Variants in TTN observed in about 807,000 individuals in gnomAD.
TTN encodes connectin.
Under a neutral mutation model 3,223.0 loss-of-function variants are expected in TTN, and 1,525 were observed. The ratio of observed to expected loss-of-function variants is 0.47; its 90% confidence interval spans 0.45 to 0.49. The LOEUF (loss-of-function observed/expected upper bound fraction) is 0.49. Ranked by LOEUF, TTN falls within the 20% of genes least tolerant of loss-of-function variation. The pLI is 0.00. For missense variants in TTN, 40,786 were observed against 43,424.0 expected, an observed-to-expected ratio of 0.94 and a Z score of 5.40; for synonymous variants, 14,094 against 15,161.0, an observed-to-expected ratio of 0.93 and a Z score of 5.17.
chr2:178,770,308 A>G lies in TTN; in HGVS notation c.8393T>C (p.Ile2798Thr), dbSNP rs751135365. The change falls in exon 36 of 363, where the codon ATT becomes ACT. Residue 2798 changes from isoleucine (I) to threonine (T), a missense_variant. By Grantham distance (89) the Ile-to-Thr change is moderately conservative (BLOSUM62 -1). Coordinates refer to ENST00000589042, the MANE Select transcript of TTN (RefSeq NM_001267550.2). ...GGCTGTCACATCCTTTGGCTTTTTA[A>G]TGATCTTGACAGCTAAGAGGAAAAT... is the stretch of plus-strand genomic sequence containing the variant. The part of the protein sequence containing the change: ...ARLHVETVKI[I>T]KKPKDVTALE... 1.2e-6 allele frequency: 2 copies of G among 1,614,196 alleles called. No individual in the cohort carries two copies. The highest frequency in any genetic ancestry group is 1.7e-6 in the Non-Finnish European group (2 of 1,180,036).
chr2:178,543,080 T>C lies in TTN; in HGVS notation c.96893A>G (p.Gln32298Arg). 6.3e-7 allele frequency: 1 copy of C among 1,591,530 alleles called. No individual in the cohort carries two copies. Among genetic ancestry groups the C allele is most frequent in the South Asian group, 1.1e-5 (1 of 88,434 alleles). ...PRETVTAVTV[Q>R]DLRVLPTIDL... The stretch of plus-strand genomic sequence containing the variant: ...TATTTGGTACATACCTCTGAGGTCT[T>C]GTACAGTCACGGCTGTGACAGTCTC... The change falls in exon 347 of 363, where the codon CAA becomes CGA. Residue 32298 changes from glutamine to arginine, a missense_variant. By Grantham distance (43) the Gln-to-Arg change is conservative. Transcript: ENST00000589042.
chr2:178,704,772 G>A lies in TTN; in HGVS notation c.29700C>T (p.Val9900=), dbSNP rs1363173792. ...IQQRLSQTEP[V]TLIKDIENQT... is the part of the protein sequence containing the mutation. ...GATTTTCAATGTCCTTGATCAGAGTGACAGGCTAGGAGAATAAAGAATTAA... is the reference window on the plus strand; with the variant it reads ...GATTTTCAATGTCCTTGATCAGAGTAACAGGCTAGGAGAATAAAGAATTAA... Residue 9900 remains valine (V), a synonymous_variant, in exon 105 of 363, where the codon GTC becomes GTT. Transcript: ENST00000589042. 1.2e-6 allele frequency: 2 copies of A among 1,609,066 alleles called. No homozygotes were observed. Among genetic ancestry groups the A allele is most frequent in the Admixed American group, 1.7e-5 (1 of 59,728 alleles).
chr2:178,789,624 C>A, intron 12 of TTN, 127 bp from the exon 13 acceptor site: 2 of 1,279,430 alleles, frequency 1.6e-6, no homozygotes, highest in Non-Finnish European at 2.2e-6. Flanking sequence ...GAGAAATAAA[C>A]TTTCACCGGC....
chr2:178,604,303 G>T lies in TTN; in HGVS notation c.54384C>A (p.Ile18128=). Residue 18128 remains isoleucine, a splice_region_variant and synonymous_variant, in exon 282 of 363, where the codon ATC becomes ATA. Coordinates refer to ENST00000589042, the MANE Select transcript of TTN (RefSeq NM_001267550.2). ...TNTAVEKRYG[I]WKLIPNGQYE... The stretch of plus-strand genomic sequence containing the variant: ...ACTGACCATTGGGGATAAGTTTCCA[G>T]ATCTAGAAATTAGAAAAACAGAAAT... 1 of 1,441,648 alleles carries T rather than the reference G, an allele frequency of 6.9e-7. No individual in the cohort carries two copies. 89.3% of individuals were successfully genotyped at this position (1,441,648 alleles called of 1,614,324 possible).
chr2:178,771,058 G>A (rs1371552209), intron 34 of TTN, among the ~76,000 whole-genome samples, 153 bp downstream of exon 34: 4 of 152,132 alleles, frequency 2.6e-5, no homozygotes, highest in Non-Finnish European at 4.4e-5. Flanking sequence ...TTTGTACCTT[G>A]TGGAATGTGT....
At position 178,581,788 on chromosome 2, in the gene TTN, C is replaced by T. The variant is rs372814670; in HGVS notation, c.66480G>A (p.Pro22160=). 2.4e-5 allele frequency: 38 copies of T among 1,598,372 alleles called. No individual in the cohort carries two copies. The highest frequency in any genetic ancestry group is 1.8e-4 in the African/African-American group (13 of 74,234). ...TTGTATCATATACTTTAGGGAAAGCCGGTGGGCCAGGAGGATCTGAGAATA... is the reference window on the plus strand; with the variant it reads ...TTGTATCATATACTTTAGGGAAAGCTGGTGGGCCAGGAGGATCTGAGAATA... ...ARDPQYPPGP[P]AFPKVYDTTR... The change falls in exon 316 of 363, where the codon CCG becomes CCA. Residue 22160 remains proline (P), a synonymous_variant. Transcript: ENST00000589042.
rs761895496 is a variant in TTN, at chr2:178,678,444, G to A, written c.33880C>T (p.Pro11294Ser). 4 of 1,596,628 alleles carry A rather than the reference G, an allele frequency of 2.5e-6. No individual in the cohort carries two copies. The highest frequency in any genetic ancestry group is 3.4e-6 in the Non-Finnish European group (4 of 1,171,586). Residue 11294 changes from proline (P) to serine (S), a missense_variant, in exon 144 of 363, where the codon CCT becomes TCT. By Grantham distance (74) the Pro-to-Ser change is moderately conservative. Transcript: ENST00000589042. ...GCAGGTGGAGCCTCCACTTTCTTAGGAGCAGGAACTGGCACCTTCTTCTCA... is the reference window on the plus strand; with the variant it reads ...GCAGGTGGAGCCTCCACTTTCTTAGAAGCAGGAACTGGCACCTTCTTCTCA... ...VPEKKVPVPA[P>S]KKVEAPPAKV...
chr2:178,613,419 T>TA lies in TTN; in HGVS notation c.49533-144dup. The TA allele has an allele frequency of 4.0e-6, 3 of 753,198 alleles. No homozygotes were observed. The East Asian group carries it at 8.3e-5, about 21-fold the overall frequency. The allele number at this position is 753,198 out of a possible 1,614,324, so 46.7% of individuals were successfully genotyped here. A position where few individuals can be genotyped will look rare whatever the true frequency, so the allele number is the denominator to read the frequency against. On this transcript the variant is annotated intron_variant, in intron 263 of 362. Coordinates refer to ENST00000589042, the MANE Select transcript of TTN (RefSeq NM_001267550.2). ...AACTGAAAAGCACTTCAATATAAAT[T>TA]AAAAATTGCTTTTTAACTGCCACAC...
At chr2:178,635,014 A>G in intron 228 of TTN, 151 bp downstream of exon 228, 3 of 1,356,488 alleles carry the variant, frequency 2.2e-6, no homozygotes, top group Non-Finnish European at 3.0e-6. Context: ...TTGTCCCCAA[A>G]TGATACGTAA....
At position 178,542,784 on chromosome 2, in the gene TTN, G is replaced by A. The variant is rs375538626; in HGVS notation, c.97070C>T (p.Thr32357Ile). 11 of 1,613,786 alleles carry A rather than the reference G, an allele frequency of 6.8e-6. No homozygotes were observed. The East Asian group carries it at 2.5e-4, about 36-fold the overall frequency. Residue 32357 changes from threonine to isoleucine, a missense_variant, in exon 348 of 363, where the codon ACT (threonine) becomes ATT (isoleucine). Coordinates refer to ENST00000589042, the MANE Select transcript of TTN (RefSeq NM_001267550.2). ...GGTTAATTTAGCTACTTTAGTGTGA[G>A]TTTCAACTGTGACACGCTCTGATTC... The part of the protein sequence containing the change: ...LRESERVTVE[T>I]HTKVAKLTIR...
Position 178,586,506 on chromosome 2 carries a change from C to T in TTN, c.64395G>A (p.Leu21465=). The T allele has an allele frequency of 6.2e-7, 1 of 1,612,794 alleles. No individual in the cohort carries two copies. Among genetic ancestry groups the T allele is most frequent in the Non-Finnish European group, 8.5e-7 (1 of 1,179,210 alleles). Residue 21465 remains leucine, a splice_region_variant and synonymous_variant, in exon 308 of 363, where the codon CTG becomes CTA. Transcript: ENST00000589042. Reference sequence around the variant, plus strand: ...ATAAATGAAGCAAAGACTACTTACACAGTTGTTCTTTGGCTTCATACACTC... The same window carrying T: ...ATAAATGAAGCAAAGACTACTTACATAGTTGTTCTTTGGCTTCATACACTC... ...AEGVYEAKEQ[L]LPPKILMPEQ...
At position 178,663,255 on chromosome 2, in the gene TTN, T is replaced by G; in HGVS notation, c.36700+11A>C. The G allele has an allele frequency of 6.4e-7, 1 of 1,559,040 alleles. No homozygotes were observed. Among genetic ancestry groups the G allele is most frequent in the Non-Finnish European group, 8.7e-7 (1 of 1,151,412 alleles). Reference sequence around the variant, plus strand: ...ATTTTTCTCCTATAGTTTGTATAGCTTTGGCATTACCTTCAGGGGGAGGAC... The same window carrying G: ...ATTTTTCTCCTATAGTTTGTATAGCGTTGGCATTACCTTCAGGGGGAGGAC... On this transcript the variant is annotated intron_variant, in intron 173 of 362. Transcript: ENST00000589042.
Position 178,577,912 on chromosome 2 carries a change from G to A in TTN, c.68528-14C>T. 6.3e-7 allele frequency: 1 copy of A among 1,584,058 alleles called. No individual in the cohort carries two copies. Among genetic ancestry groups the A allele is most frequent in the Non-Finnish European group, 8.6e-7 (1 of 1,166,708 alleles). On this transcript the variant is annotated splice_polypyrimidine_tract_variant and intron_variant, in intron 322 of 362. Transcript: ENST00000589042. ...TTCCAGGAGGATCTAAAACATAAAA[G>A]CAAAACCAGTCAAACAAATACCAGT...
chr2:178,681,982 C>A (rs1196949870), intron 135 of TTN, among the ~76,000 whole-genome samples: 1 of 151,818 alleles, frequency 6.6e-6, no homozygotes, highest in Non-Finnish European at 1.5e-5. Flanking sequence ...TAGATAAATT[C>A]CTGGCTGAAA....
rs750336110 is a variant in TTN at position 178,569,460 on chromosome 2, C to A, written c.76672G>T (p.Asp25558Tyr). Reference sequence around the variant, plus strand: ...AGAGAGGTGAAACTGCTAGTGACATCAATTATAGCTGCATCTCGGATTTCA... The same window carrying A: ...AGAGAGGTGAAACTGCTAGTGACATAAATTATAGCTGCATCTCGGATTTCA... ...DGEIRDAAII[D>Y]VTSSFTSLVL... is the part of the protein sequence containing the mutation. Residue 25558 changes from aspartate (D) to tyrosine (Y), a missense_variant, in exon 326 of 363, where the codon GAT (aspartate) becomes TAT (tyrosine). Asp to Tyr is a radical substitution (Grantham distance 160). Transcript: ENST00000589042. 5.0e-6 allele frequency: 8 copies of A among 1,612,954 alleles called. No homozygotes were observed. The highest frequency in any genetic ancestry group is 5.9e-6 in the Non-Finnish European group (7 of 1,179,304).
At chr2:178,778,353 G>A (rs907907910) in intron 24 of TTN, 20 of 266,876 alleles carry the variant, frequency 7.5e-5, no homozygotes, top group Non-Finnish European at 1.2e-4. Context: ...ATACATTTAT[G>A]GAAAAATAAA....
At chr2:178,578,494 AAC>A (rs1333305242) in intron 321 of TTN, 115 bp downstream of exon 321, 11 of 784,924 alleles carry the variant, frequency 1.4e-5, no homozygotes, top group African/African-American at 3.5e-5. Flanking sequence ...CTGAAATAAA[AAC>A]ACATTTCTGT....
chr2:178,529,902 A>T, intron 359 of TTN, 58 bp downstream of exon 359: 1 of 1,534,534 alleles, frequency 6.5e-7, no homozygotes, highest in Non-Finnish European at 8.8e-7. Flanking sequence ...GATGTTTGAA[A>T]ATATTTCCCT....
In TTN at chr2:178,572,420, G is replaced by A; in HGVS notation, c.73712C>T (p.Thr24571Ile). The change falls in exon 326 of 363, where the codon ACA (threonine) becomes ATA (isoleucine). Residue 24571 changes from threonine to isoleucine, a missense_variant. By Grantham distance (89) the Thr-to-Ile change is moderately conservative. Transcript: ENST00000589042. ...CTTCCAGGAAGTCTTGTGGCAGTTTGTTGCAACAGTTGAATATGCTTTTCT... is the reference window on the plus strand; with the variant it reads ...CTTCCAGGAAGTCTTGTGGCAGTTTATTGCAACAGTTGAATATGCTTTTCT... ...STRKAYSTVA[T>I]NCHKTSWKVD... 1.9e-6 allele frequency: 3 copies of A among 1,612,898 alleles called. No individual in the cohort carries two copies. Among genetic ancestry groups the A allele is most frequent in the Non-Finnish European group, 2.5e-6 (3 of 1,179,144 alleles).
Sources: gnomAD v4.1 joint callset for allele counts (sites outside exome capture counted in the v4.1 genomes callset) on GRCh38, gnomAD v4.1.1 for gene constraint, MANE v1.5 for transcripts, NCBI Gene and HGNC (gene_info 2026-07-23, HGNC 2026-07-21) for gene names.